TMCO1: variants seen among roughly 807,000 people sequenced by gnomAD.
TMCO1 encodes transmembrane and coiled-coil domains 1, also known as calcium load-activated calcium channel.
In TMCO1, 29 loss-of-function variants were observed where a neutral mutation model predicts 29.3. That is an observed-to-expected ratio of 0.99 (90% CI 0.74 to 1.35). The LOEUF is 1.35. Among genes scored for constraint, TMCO1 ranks in the 40% most tolerant of loss-of-function variants. TMCO1 has a pLI of 0.00. For synonymous variants in TMCO1, 80 were observed against 77.1 expected (o/e 1.04, Z -0.20); for missense variants, 173 against 225.5 (o/e 0.77, Z 1.49).
At chr1:165,724,453 G>C (rs556907002), downstream of TMCO1, 282 of 454,098 alleles carry the variant, frequency 6.2e-4, 4 homozygotes, top group South Asian at 4.3e-3. Context: ...CAAATATATT[G>C]TAAGAGGGCA....
chr1:165,757,442 A>T (rs1194701646), intron 3 of TMCO1, among the ~76,000 whole-genome samples: 1 of 152,264 alleles, frequency 6.6e-6, no homozygotes, highest in Non-Finnish European at 1.5e-5. Flanking sequence ...GCAATTCTTC[A>T]TAAATATTAC....
In TMCO1 at chr1:165,759,498, T is replaced by A. The variant is rs1458458958; in HGVS notation, c.208+27A>T. Reference sequence around the variant, plus strand: ...TTAATTTTTTTAAGAAAACCCAAATTTCATTTTGACTAATATCTCATCTTA... The same window carrying A: ...TTAATTTTTTTAAGAAAACCCAAATATCATTTTGACTAATATCTCATCTTA... On this transcript the variant is annotated intron_variant, in intron 3 of 6. Transcript: ENST00000367881. The A allele has an allele frequency of 3.2e-6, 5 of 1,576,594 alleles. No homozygotes were observed. The African/African-American group carries it at 6.7e-5, about 21-fold the overall frequency.
At chr1:165,739,456 C>T (rs894712006) in intron 6 of TMCO1, among the ~76,000 whole-genome samples, 4 of 151,928 alleles carry the variant, frequency 2.6e-5, no homozygotes, top group Admixed American at 6.6e-5. Flanking sequence ...GATGCAATCT[C>T]GGCTCACTGC....
At chr1:165,750,188 A>C (rs929843319) in intron 5 of TMCO1, among the ~76,000 whole-genome samples, 1 of 152,210 alleles carries the variant, frequency 6.6e-6, no homozygotes, top group African/African-American at 2.4e-5. Context: ...ATAAGTATAC[A>C]TTGGTATACA....
chr1:165,748,949 T>C (rs975863028), intron 5 of TMCO1, among the ~76,000 whole-genome samples: 3 of 152,222 alleles, frequency 2.0e-5, no homozygotes, highest in African/African-American at 7.2e-5. Flanking sequence ...ACAGCCTTTT[T>C]GGAAGAGCTT....
intron 5 of TMCO1, among the ~76,000 whole-genome samples, chr1:165,745,811 A>AT (rs1447000191): frequency 3.3e-5 from 5 of 152,140 alleles, no homozygotes; most frequent in African/African-American, 4.8e-5. Context: ...AAGACACAAT[A>AT]TTTTTTTTAA....
chr1:165,727,523 G>A lies in TMCO1; in HGVS notation c.*500C>T, dbSNP rs1650950812. 2.2e-6 allele frequency: 1 copy of A among 452,834 alleles called. No homozygotes were observed. The highest frequency in any genetic ancestry group is 4.4e-6 in the Non-Finnish European group (1 of 226,586). 28.1% of individuals were successfully genotyped at this position (452,834 alleles called of 1,614,324 possible). ...ATCTAGAAATACGGCAAAACAAAAT[G>A]AAACAGATCTCTCCTTGTACATAAA... On this transcript the variant is annotated 3_prime_UTR_variant, in exon 7 of 7. Coordinates refer to ENST00000367881, the MANE Select transcript of TMCO1 (RefSeq NM_019026.6).
intron 6 of TMCO1, 65 bp from the exon 7 acceptor site, chr1:165,728,186 A>G (rs1650983147): frequency 7.6e-7 from 1 of 1,308,416 alleles, no homozygotes; most frequent in African/African-American, 1.5e-5. Context: ...TGTTTTATGT[A>G]GCTCTCAGGC....
chr1:165,730,807 T>C (rs531945234), intron 6 of TMCO1, among the ~76,000 whole-genome samples: 1 of 152,096 alleles, frequency 6.6e-6, no homozygotes, highest in East Asian at 1.9e-4. Context: ...TTGGCCACGC[T>C]GGTCTCAAAC....
intron 6 of TMCO1, among the ~76,000 whole-genome samples, chr1:165,729,370 A>G (rs1651044390): frequency 6.7e-6 from 1 of 150,342 alleles, no homozygotes; most frequent in African/African-American, 2.5e-5. Flanking sequence ...AAGCTAGAGT[A>G]CAGTGGCACG....
chr1:165,761,771 A>T (rs1271060075), intron 2 of TMCO1, among the ~76,000 whole-genome samples: 1 of 151,760 alleles, frequency 6.6e-6, no homozygotes, highest in East Asian at 1.9e-4. Flanking sequence ...CAACACGGTG[A>T]AACCTCGTCT....
At chr1:165,767,375 T>C (rs1652612578) in intron 2 of TMCO1, among the ~76,000 whole-genome samples, 1 of 152,190 alleles carries the variant, frequency 6.6e-6, no homozygotes, top group South Asian at 2.1e-4. Flanking sequence ...TCCTGCTTTA[T>C]TTCAAAGGTA....
chr1:165,739,638 C>G (rs1166312049), intron 6 of TMCO1, among the ~76,000 whole-genome samples: 1 of 152,130 alleles, frequency 6.6e-6, no homozygotes, highest in Non-Finnish European at 1.5e-5. Context: ...ACCTGCTCGC[C>G]TTGGCCTCCC....
chr1:165,768,538 C>A, intron 1 of TMCO1, 144 bp downstream of exon 1: 1 of 1,559,506 alleles, frequency 6.4e-7, no homozygotes, highest in South Asian at 1.2e-5. Context: ...CTCCTGTTCA[C>A]GAGTTGCCCA....
At chr1:165,729,103 T>TAA (rs553390393) in intron 6 of TMCO1, among the ~76,000 whole-genome samples, 10 of 76,336 alleles carry the variant, frequency 1.3e-4, no homozygotes, top group African/African-American at 2.6e-4. Context: ...AGATTCTGTC[T>TAA]AAAAAAAAAA....
chr1:165,748,956 G>C (rs1651900554), intron 5 of TMCO1, among the ~76,000 whole-genome samples: 1 of 152,104 alleles, frequency 6.6e-6, no homozygotes. Flanking sequence ...TTTTGGAAGA[G>C]CTTATTCACT....
intron 2 of TMCO1, among the ~76,000 whole-genome samples, chr1:165,767,584 C>G (rs574116296): frequency 1.3e-5 from 2 of 152,294 alleles, no homozygotes; most frequent in East Asian, 3.9e-4. Context: ...TTTCCTTTCC[C>G]CATTTCATTC....
intron 3 of TMCO1, among the ~76,000 whole-genome samples, chr1:165,758,939 AT>A (rs1419063324): frequency 6.6e-6 from 1 of 152,166 alleles, no homozygotes; most frequent in Admixed American, 6.5e-5. Flanking sequence ...TCTCATAATA[AT>A]TTTTTTCCTA....
chr1:165,735,948 G>A (rs1651361291), intron 6 of TMCO1, among the ~76,000 whole-genome samples: 2 of 152,234 alleles, frequency 1.3e-5, no homozygotes, highest in Non-Finnish European at 2.9e-5. Flanking sequence ...TGGTCTGAAT[G>A]TTTGTTTCCC....
Sources: allele counts gnomAD v4.1 joint callset (sites outside exome capture counted in the v4.1 genomes callset), GRCh38; gene constraint gnomAD v4.1.1; transcripts MANE v1.5; gene names NCBI Gene and HGNC (gene_info 2026-07-23, HGNC 2026-07-21).